The following ANXA6 variants were observed in gnomAD, a reference collection of about 807,000 sequenced individuals.
ANXA6 encodes 67 kDa calelectrin.
ANXA6 carries 71 observed loss-of-function variants against 95.4 expected under a neutral mutation model. The ratio of observed to expected loss-of-function variants is 0.74; its 90% CI spans 0.61 to 0.91. ANXA6 has a LOEUF of 0.91. Among genes scored for constraint, ANXA6 ranks in the 40% least tolerant of loss-of-function variants. ANXA6 has a pLI of 0.00. For missense variants in ANXA6, 830 were observed against 876.4 expected, an observed-to-expected ratio of 0.95 and a Z score of 0.67; for synonymous variants, 289 against 315.9, an observed-to-expected ratio of 0.91 and a Z score of 0.90.
intron 1 of ANXA6, among the ~76,000 whole-genome samples, chr5:151,155,997 C>T (rs1055734561): frequency 6.6e-6 from 1 of 152,230 alleles, no homozygotes; most frequent in African/African-American, 2.4e-5. Flanking sequence ...AGAGGCCAGG[C>T]CTTGGGCTTC....
intron 18 of ANXA6, among the ~76,000 whole-genome samples, chr5:151,118,460 G>A (rs1326198617): frequency 6.6e-6 from 1 of 151,794 alleles, no homozygotes; most frequent in African/African-American, 2.4e-5. Flanking sequence ...TTGAGATGGA[G>A]TCTCATTCTG....
Position 151,102,192 on chromosome 5 carries a change from G to T in ANXA6, c.1963-685C>A, listed in dbSNP as rs535825378. On this transcript the variant is annotated intron_variant, in intron 25 of 25. Coordinates refer to ENST00000354546, the MANE Select transcript of ANXA6 (RefSeq NM_001155.5). ...GACTCCTATCATTGTTATGAGACAT[G>T]GTTTTCGGGATTTTGTTTGTCCTTG... 2.4e-4 allele frequency among the ~76,000 whole-genome samples: 36 copies of T among 152,238 alleles called. 1 individual carries two copies. The South Asian group carries it at 7.5e-3, about 32-fold the overall frequency.
At chr5:151,139,096 C>A in intron 4 of ANXA6, 1 of 588,020 alleles carries the variant, frequency 1.7e-6, no homozygotes, top group South Asian at 2.1e-5. Flanking sequence ...TCTGGCAGTC[C>A]ACAGAGTTGA....
At chr5:151,122,485 G>A (rs1357191371) in intron 16 of ANXA6, among the ~76,000 whole-genome samples, 1 of 152,224 alleles carries the variant, frequency 6.6e-6, no homozygotes, top group African/African-American at 2.4e-5. Context: ...ACAGGAACGG[G>A]AAGGCAGCAG....
chr5:151,135,875 A>C (rs1045436028), intron 7 of ANXA6, among the ~76,000 whole-genome samples: 2 of 152,356 alleles, frequency 1.3e-5, no homozygotes, highest in African/African-American at 4.8e-5. Context: ...ACCAATTTGT[A>C]GCCTCCTAAT....
chr5:151,112,126 T>G (rs1764867683), intron 20 of ANXA6, among the ~76,000 whole-genome samples: 1 of 152,176 alleles, frequency 6.6e-6, no homozygotes, highest in Admixed American at 6.5e-5. Flanking sequence ...TAAACCATCC[T>G]GAGATTGACT....
At chr5:151,147,967 C>G in intron 1 of ANXA6, 41 bp from the exon 2 acceptor site, 1 of 1,541,954 alleles carries the variant, frequency 6.5e-7, no homozygotes, top group East Asian at 2.3e-5. Flanking sequence ...CCCCCCAACT[C>G]TAACCATCCC....
At chr5:151,150,235 T>C (rs1462618135) in intron 1 of ANXA6, among the ~76,000 whole-genome samples, 1 of 152,134 alleles carries the variant, frequency 6.6e-6, no homozygotes, top group Admixed American at 6.5e-5. Context: ...TGCCTTCCAG[T>C]TCTCCACATA....
intron 20 of ANXA6, among the ~76,000 whole-genome samples, chr5:151,112,711 C>G (rs1764885513): frequency 6.6e-6 from 1 of 152,046 alleles, no homozygotes; most frequent in South Asian, 2.1e-4. Context: ...TTATTCCCAG[C>G]TACTTGGGGG....
At chr5:151,132,601 G>A in intron 9 of ANXA6, 30 bp from the exon 10 acceptor site, 16 of 1,587,606 alleles carry the variant, frequency 1.0e-5, no homozygotes, top group Non-Finnish European at 1.2e-5. Context: ...AGGGAGGTTT[G>A]AGAGTGCCTC....
intron 11 of ANXA6, among the ~76,000 whole-genome samples, chr5:151,130,545 G>T (rs1260355609): frequency 6.6e-6 from 1 of 152,232 alleles, no homozygotes; most frequent in Non-Finnish European, 1.5e-5. Flanking sequence ...GTGAGCCACT[G>T]CATGCACTCA....
Position 151,110,616 on chromosome 5 carries a change from A to T in ANXA6, c.1590+11T>A. The T allele has an allele frequency of 6.2e-7, 1 of 1,613,212 alleles. No homozygotes were observed. Among genetic ancestry groups the T allele is most frequent in the Non-Finnish European group, 8.5e-7 (1 of 1,179,380 alleles). On this transcript the variant is annotated intron_variant, in intron 21 of 25. Coordinates refer to ENST00000354546, the MANE Select transcript of ANXA6 (RefSeq NM_001155.5). ...GGCCGTTAAAACCCAAATGAAGAAC[A>T]GGACACTCACCAAGATCTCAGCAGC...
intron 1 of ANXA6, chr5:151,155,168 A>G (rs1008905777): frequency 2.0e-5 from 3 of 152,178 alleles, no homozygotes; most frequent in Non-Finnish European, 4.4e-5. Flanking sequence ...AGGCATTAAT[A>G]ACAGCGTCTA....
At position 151,100,799 on chromosome 5, in the gene ANXA6, G is replaced by A. The variant is rs1561561076; in HGVS notation, c.*649C>T. On this transcript the variant is annotated 3_prime_UTR_variant, in exon 26 of 26. Coordinates refer to ENST00000354546, the MANE Select transcript of ANXA6 (RefSeq NM_001155.5). ...CGGAGGCATACTTTAGGAAGTTAATGTTAGAAGGGAAGCCAAGATTTTTTT... is the reference window on the plus strand; with the variant it reads ...CGGAGGCATACTTTAGGAAGTTAATATTAGAAGGGAAGCCAAGATTTTTTT... 2.2e-6 allele frequency: 1 copy of A among 449,064 alleles called. No homozygotes were observed. The highest frequency in any genetic ancestry group is 1.6e-5 in the South Asian group (1 of 64,228). The allele number at this position is 449,064 out of a possible 1,614,324, so 27.8% of individuals were successfully genotyped here.
chr5:151,105,193 G>C (rs1764662239), intron 24 of ANXA6, 52 bp downstream of exon 24: 1 of 1,503,552 alleles, frequency 6.7e-7, no homozygotes, highest in East Asian at 2.3e-5. Flanking sequence ...GTGTTTGTGT[G>C]TGTATGTAAG....
At chr5:151,144,549 C>T (rs1765926864) in intron 2 of ANXA6, among the ~76,000 whole-genome samples, 1 of 152,038 alleles carries the variant, frequency 6.6e-6, no homozygotes. Context: ...AGCATGTCCC[C>T]AGGATGAAGG....
At chr5:151,114,571 G>A (rs549983041) in intron 20 of ANXA6, among the ~76,000 whole-genome samples, 101 of 123,966 alleles carry the variant, frequency 8.1e-4, no homozygotes, top group African/African-American at 2.9e-3. Context: ...CCAAGATTGC[G>A]CCACCGCACT....
chr5:151,122,431 G>C (rs1033312645), intron 16 of ANXA6, among the ~76,000 whole-genome samples, 171 bp from the exon 17 acceptor site: 3 of 152,072 alleles, frequency 2.0e-5, no homozygotes, highest in Non-Finnish European at 4.4e-5. Context: ...AGAGGGTAGG[G>C]AAAAAACAAC....
At chr5:151,126,590 G>A (rs3815722) in intron 13 of ANXA6, 110 bp from the exon 14 acceptor site, 142,644 of 816,454 alleles carry the variant, frequency 0.17, 13,009 homozygotes, top group Admixed American at 0.23. Flanking sequence ...ATACACACAC[G>A]TGCACACACC....
Sources: gnomAD v4.1 joint callset for allele counts (sites outside exome capture counted in the v4.1 genomes callset) on GRCh38, gnomAD v4.1.1 for gene constraint, MANE v1.5 for transcripts, NCBI Gene and HGNC (gene_info 2026-07-23, HGNC 2026-07-21) for gene names.